The following CMSS1 variants were observed in gnomAD, a reference collection of about 807,000 sequenced individuals.
CMSS1 encodes the protein protein CMSS1.
CMSS1 carries 33 observed loss-of-function variants against 43.5 expected under a neutral mutation model. That is an observed-to-expected ratio of 0.76 (90% CI 0.57 to 1.01). The LOEUF (loss-of-function observed/expected upper bound fraction) is 1.01, where lower values mean the gene tolerates loss of function less well. Among genes scored for constraint, CMSS1 ranks in the 50% least tolerant of loss-of-function variants. The probability of loss-of-function intolerance (pLI) is 0.00; values close to 1 mark genes in which losing one functional copy is unlikely to be tolerated. For synonymous variants in CMSS1, 115 were observed against 117.2 expected (o/e 0.98, Z 0.12); for missense variants, 313 against 326.4 (o/e 0.96, Z 0.32).
chr3:99,941,209 G>A (rs571768532), intron 1 of CMSS1, among the ~76,000 whole-genome samples: 40 of 151,884 alleles, frequency 2.6e-4, no homozygotes, highest in Admixed American at 9.2e-4. Context: ...TTAGACACAC[G>A]GAGTTGATAT....
chr3:100,169,155 A>G (rs2067089698), intron 6 of CMSS1, among the ~76,000 whole-genome samples: 1 of 152,220 alleles, frequency 6.6e-6, no homozygotes. Flanking sequence ...AGTTGGATTC[A>G]TATCTCACTT....
intron 1 of CMSS1, among the ~76,000 whole-genome samples, chr3:100,036,773 G>A (rs1157154249): frequency 6.6e-6 from 1 of 152,058 alleles, no homozygotes; most frequent in Non-Finnish European, 1.5e-5. Context: ...TTGGAGTAGA[G>A]AAGCCTGGTA....
intron 1 of CMSS1, among the ~76,000 whole-genome samples, chr3:100,015,620 G>C (rs1710318458): frequency 6.6e-6 from 1 of 152,186 alleles, no homozygotes; most frequent in Non-Finnish European, 1.5e-5. Flanking sequence ...CGAATGCTAA[G>C]ATTATTGAGT....
intron 1 of CMSS1, among the ~76,000 whole-genome samples, chr3:99,957,098 A>G (rs2107696462): frequency 6.6e-6 from 1 of 152,358 alleles, no homozygotes; most frequent in Non-Finnish European, 1.5e-5. Context: ...GAATAAAAAT[A>G]CTTGTGTTTA....
At chr3:100,146,833 T>C (rs576721970) in intron 1 of CMSS1, 140 bp from the exon 2 acceptor site, 14 of 1,058,220 alleles carry the variant, frequency 1.3e-5, no homozygotes, top group Non-Finnish European at 1.9e-5. Context: ...TGTTTTACTT[T>C]GGACCATTTC....
chr3:100,002,418 C>G (rs894051224), intron 1 of CMSS1, among the ~76,000 whole-genome samples: 7 of 152,278 alleles, frequency 4.6e-5, no homozygotes, highest in African/African-American at 1.7e-4. Flanking sequence ...TCTATAATCT[C>G]AGGAGTGAAT....
intron 1 of CMSS1, among the ~76,000 whole-genome samples, chr3:99,879,766 A>G (rs1400734554): frequency 6.6e-6 from 1 of 152,174 alleles, no homozygotes; most frequent in Non-Finnish European, 1.5e-5. Context: ...GTGAGATAGT[A>G]TATATGGAAA....
intron 1 of CMSS1, among the ~76,000 whole-genome samples, chr3:100,084,465 CAAAG>C (rs2065976848): frequency 6.6e-6 from 1 of 151,790 alleles, no homozygotes; most frequent in South Asian, 2.1e-4. Flanking sequence ...TAGAAAAACT[CAAAG>C]AAAATGAATA....
chr3:100,081,848 T>C (rs1248339076), intron 1 of CMSS1, among the ~76,000 whole-genome samples: 1 of 152,188 alleles, frequency 6.6e-6, no homozygotes, highest in Non-Finnish European at 1.5e-5. Context: ...GTAGGATGTT[T>C]AGCAGCATCC....
intron 1 of CMSS1, among the ~76,000 whole-genome samples, chr3:99,940,173 C>T (rs1707811499): frequency 6.6e-6 from 1 of 152,192 alleles, no homozygotes; most frequent in Non-Finnish European, 1.5e-5. Flanking sequence ...ATTCTTTTCT[C>T]ATTTAAGGTT....
chr3:99,839,921 A>C (rs1943056274), intron 1 of CMSS1, among the ~76,000 whole-genome samples: 1 of 151,990 alleles, frequency 6.6e-6, no homozygotes, highest in Non-Finnish European at 1.5e-5. Context: ...TAAGAGTGGA[A>C]CTCTTATAGA....
intron 1 of CMSS1, among the ~76,000 whole-genome samples, chr3:99,977,533 T>C (rs560755925): frequency 4.6e-5 from 7 of 152,108 alleles, no homozygotes; most frequent in African/African-American, 1.4e-4. Flanking sequence ...TTCCTGGGAA[T>C]GTAAGCAAGT....
In CMSS1 at chr3:99,824,541, G is replaced by C. The variant is rs900381775; in HGVS notation, c.64+6498G>C. Among the ~76,000 whole-genome samples the C allele has an allele frequency of 2.6e-5, 4 of 152,330 alleles. No homozygotes were observed. The South Asian group carries it at 8.3e-4, about 32-fold the overall frequency. ...GAAGGCACTCATTAAGTATTTGTTA[G>C]TTAACCAATTAATTATTAATATTTC... On this transcript the variant is annotated intron_variant, in intron 1 of 9. Coordinates refer to ENST00000421999, the MANE Select transcript of CMSS1 (RefSeq NM_032359.4).
At chr3:100,000,425 G>A (rs191174805) in intron 1 of CMSS1, among the ~76,000 whole-genome samples, 23 of 152,228 alleles carry the variant, frequency 1.5e-4, no homozygotes, top group Non-Finnish European at 1.2e-4. Flanking sequence ...TGTGAATGTC[G>A]TCAGCTGTAG....
chr3:99,935,265 C>CAAAAAA (rs34961153), intron 1 of CMSS1, among the ~76,000 whole-genome samples: 1 of 143,932 alleles, frequency 6.9e-6, no homozygotes, highest in Non-Finnish European at 1.5e-5. Context: ...TTCAGGGTAC[C>CAAAAAA]AAAAAAAAAA....
chr3:100,171,810 T>G (rs1407409798), intron 6 of CMSS1, 29 bp from the exon 7 acceptor site: 1 of 1,605,770 alleles, frequency 6.2e-7, no homozygotes, highest in African/African-American at 1.3e-5. Flanking sequence ...GTTGGTTTTC[T>G]TAAGCATTCA....
At chr3:99,882,244 G>A (rs1258960366) in intron 1 of CMSS1, among the ~76,000 whole-genome samples, 3 of 152,016 alleles carry the variant, frequency 2.0e-5, no homozygotes, top group Non-Finnish European at 4.4e-5. Flanking sequence ...CGTCCCTTTC[G>A]GTTCCAAATT....
At chr3:100,120,860 T>C in intron 1 of CMSS1, among the ~76,000 whole-genome samples, 1 of 151,950 alleles carries the variant, frequency 6.6e-6, no homozygotes, top group Non-Finnish European at 1.5e-5. Flanking sequence ...GAGGGCATTC[T>C]AGGCAGAGGA....
At chr3:99,966,145 T>G (rs905434747) in intron 1 of CMSS1, among the ~76,000 whole-genome samples, 5 of 152,204 alleles carry the variant, frequency 3.3e-5, no homozygotes, top group Admixed American at 2.6e-4. Context: ...GTAAATAAAA[T>G]GTTCACAACT....
Sources: allele counts gnomAD v4.1 joint callset (sites outside exome capture counted in the v4.1 genomes callset), GRCh38; gene constraint gnomAD v4.1.1; transcripts MANE v1.5; gene names NCBI Gene and HGNC (gene_info 2026-07-23, HGNC 2026-07-21).